Variants in GAS7 observed in about 807,000 individuals in gnomAD.
GAS7 encodes growth arrest-specific protein 7.
In GAS7, 28 loss-of-function variants were observed where a neutral mutation model predicts 71.1. That is an observed-to-expected ratio of 0.39 (90% CI 0.29 to 0.54). The LOEUF (loss-of-function observed/expected upper bound fraction) is 0.54, where lower values mean the gene tolerates loss of function less well. Ranked by LOEUF, GAS7 falls within the 20% of genes least tolerant of loss-of-function variation. The pLI is 0.62. For synonymous variants in GAS7, 258 were observed against 245.8 expected, an observed-to-expected ratio of 1.05 and a Z score of -0.46; for missense variants, 436 against 627.8, an observed-to-expected ratio of 0.69 and a Z score of 3.27.
At position 9,927,385 on chromosome 17, in the gene GAS7, G is replaced by A. The variant is rs11653275; in HGVS notation, c.886-616C>T. Among the ~76,000 whole-genome samples the A allele has an allele frequency of 7.3e-3, 1,099 of 150,674 alleles. 4 individuals carry two copies. Among genetic ancestry groups the A allele is most frequent in the Non-Finnish European group, 0.013 (869 of 67,838 alleles). Reference sequence around the variant, plus strand: ...GCCTGTAATCCCAGCTACTCAGGAGGCTGAGGCAGGAAATCACTTGAACCT... The same window carrying A: ...GCCTGTAATCCCAGCTACTCAGGAGACTGAGGCAGGAAATCACTTGAACCT... On this transcript the variant is annotated intron_variant, in intron 9 of 13. Transcript: ENST00000432992.
intron 9 of GAS7, among the ~76,000 whole-genome samples, chr17:9,931,154 G>A (rs1052497188): frequency 8.6e-4 from 131 of 152,352 alleles, no homozygotes; most frequent in African/African-American, 2.9e-3. Flanking sequence ...CATTCGCTCA[G>A]TCCTTTCCTT....
intron 9 of GAS7, among the ~76,000 whole-genome samples, chr17:9,929,627 A>C (rs2068136757): frequency 6.6e-6 from 1 of 151,986 alleles, no homozygotes; most frequent in South Asian, 2.1e-4. Flanking sequence ...GGCACCCGCC[A>C]CCAAACCTGG....
intron 2 of GAS7, among the ~76,000 whole-genome samples, chr17:10,018,811 G>A (rs780450214): frequency 6.6e-6 from 1 of 152,220 alleles, no homozygotes; most frequent in Non-Finnish European, 1.5e-5. Context: ...AGTCAGGCAG[G>A]CACAGAGGAG....
intron 1 of GAS7, among the ~76,000 whole-genome samples, chr17:10,114,281 G>T (rs1461661734): frequency 6.6e-6 from 1 of 152,072 alleles, no homozygotes; most frequent in Non-Finnish European, 1.5e-5. Context: ...CAGGTGAGTG[G>T]GCCCAGGTTA....
intron 1 of GAS7, among the ~76,000 whole-genome samples, chr17:10,092,557 G>C (rs557014463): frequency 1.3e-5 from 2 of 152,316 alleles, no homozygotes; most frequent in South Asian, 4.1e-4. Context: ...ATCTTGGCAG[G>C]TGAGCGTTCA....
At chr17:10,095,713 G>A (rs1015924355) in intron 1 of GAS7, among the ~76,000 whole-genome samples, 3 of 151,586 alleles carry the variant, frequency 2.0e-5, no homozygotes, top group African/African-American at 4.9e-5. Context: ...CCAGCTACTC[G>A]GGAGGCTAAG....
At chr17:10,037,612 G>A (rs1470353693) in intron 1 of GAS7, among the ~76,000 whole-genome samples, 1 of 152,000 alleles carries the variant, frequency 6.6e-6, no homozygotes, top group Non-Finnish European at 1.5e-5. Context: ...CCAGAGCTAA[G>A]CTGTTGTTTT....
At chr17:10,149,418 A>G (rs1331464656) in intron 1 of GAS7, among the ~76,000 whole-genome samples, 2 of 152,162 alleles carry the variant, frequency 1.3e-5, no homozygotes, top group African/African-American at 2.4e-5. Flanking sequence ...TTGAAATAAC[A>G]TATCTCACCT....
intron 1 of GAS7, among the ~76,000 whole-genome samples, chr17:10,193,617 A>C (rs1458143547): frequency 6.6e-6 from 1 of 152,238 alleles, no homozygotes; most frequent in Non-Finnish European, 1.5e-5. Flanking sequence ...CATTCTTAGA[A>C]GCCAGCTACC....
At chr17:10,000,966 G>A (rs2071246401) in intron 2 of GAS7, among the ~76,000 whole-genome samples, 1 of 152,156 alleles carries the variant, frequency 6.6e-6, no homozygotes, top group Admixed American at 6.5e-5. Context: ...TCCAGTGGCA[G>A]AGAGCACACG....
At chr17:10,021,189 C>T (rs897140139) in intron 1 of GAS7, among the ~76,000 whole-genome samples, 2 of 152,174 alleles carry the variant, frequency 1.3e-5, no homozygotes, top group African/African-American at 4.8e-5. Context: ...AATTTCTCAG[C>T]AAAGCCAGGG....
At chr17:10,151,173 T>G (rs1183528883) in intron 1 of GAS7, among the ~76,000 whole-genome samples, 1 of 152,110 alleles carries the variant, frequency 6.6e-6, no homozygotes, top group African/African-American at 2.4e-5. Context: ...TTTTTAAGTT[T>G]GGTTATTTTT....
chr17:10,107,157 T>A (rs2073764514), intron 1 of GAS7, among the ~76,000 whole-genome samples: 1 of 152,214 alleles, frequency 6.6e-6, no homozygotes, highest in African/African-American at 2.4e-5. Context: ...AGACTTTGGA[T>A]CCTTAGAACT....
chr17:9,921,533 C>T (rs1490449500), intron 11 of GAS7, among the ~76,000 whole-genome samples: 1 of 152,174 alleles, frequency 6.6e-6, no homozygotes, highest in Non-Finnish European at 1.5e-5. Flanking sequence ...TGAGAAATTG[C>T]TTCAGGAACT....
intron 5 of GAS7, among the ~76,000 whole-genome samples, chr17:9,954,029 G>A (rs558736189): frequency 5.2e-4 from 79 of 152,218 alleles, no homozygotes; most frequent in Non-Finnish European, 9.7e-4. Flanking sequence ...TGGAAGGACT[G>A]AGGGTCCAGG....
At chr17:10,182,281 T>G (rs1196319692) in intron 1 of GAS7, among the ~76,000 whole-genome samples, 1 of 152,070 alleles carries the variant, frequency 6.6e-6, no homozygotes, top group Non-Finnish European at 1.5e-5. Flanking sequence ...TGCCTCAGCC[T>G]CCCGAGTAGC....
At chr17:10,137,865 T>C (rs558455976) in intron 1 of GAS7, among the ~76,000 whole-genome samples, 2 of 151,570 alleles carry the variant, frequency 1.3e-5, no homozygotes, top group Admixed American at 1.3e-4. Flanking sequence ...TAATAAATAT[T>C]TGTTGGAAGA....
intron 1 of GAS7, among the ~76,000 whole-genome samples, chr17:10,140,864 T>G (rs1002786424): frequency 9.2e-5 from 14 of 152,214 alleles, no homozygotes; most frequent in African/African-American, 3.4e-4. Flanking sequence ...GAGTCACTTG[T>G]ATGTGCACAA....
Position 9,981,756 on chromosome 17 carries a change from T to G in GAS7, c.385+48A>C, listed in dbSNP as rs561915873. ...ATCATCTCAGCCTCTCCACTGAATGTGGCATCAGGGCCCTCCCAGTTGCCC... is the reference window on the plus strand; with the variant it reads ...ATCATCTCAGCCTCTCCACTGAATGGGGCATCAGGGCCCTCCCAGTTGCCC... On this transcript the variant is annotated intron_variant, in intron 3 of 13. Coordinates refer to ENST00000432992, the MANE Select transcript of GAS7 (RefSeq NM_201433.2). This position sits in a 1 kb window ranked among gnomAD's most constrained non-coding sequence, Gnocchi z 4.4. The G allele has an allele frequency of 9.2e-4, 918 of 1,001,600 alleles. 14 individuals are homozygous for G. In the South Asian group the frequency reaches 0.011, roughly 12 times the overall value. 62.0% of individuals were successfully genotyped at this position (1,001,600 alleles called of 1,614,324 possible).
Sources: allele counts gnomAD v4.1 joint callset (sites outside exome capture counted in the v4.1 genomes callset), GRCh38; gene constraint gnomAD v4.1.1; non-coding constraint Gnocchi (gnomAD v3.1); transcripts MANE v1.5; gene names NCBI Gene and HGNC (gene_info 2026-07-23, HGNC 2026-07-21).